Variants in RORA observed in about 807,000 individuals in gnomAD.
RORA encodes the protein nuclear receptor ROR-alpha.
RORA carries 7 observed loss-of-function variants against 69.5 expected under a neutral mutation model. That is an observed-to-expected ratio of 0.10 (90% CI 0.06 to 0.19). The LOEUF (loss-of-function observed/expected upper bound fraction) is 0.19. Ranked by LOEUF, RORA falls within the 10% of genes least tolerant of loss-of-function variation. The probability of loss-of-function intolerance (pLI) is 1.00; values close to 1 mark genes in which losing one functional copy is unlikely to be tolerated. For synonymous variants in RORA, 261 were observed against 240.8 expected, an observed-to-expected ratio of 1.08 and a Z score of -0.78; for missense variants, 457 against 663.0, an observed-to-expected ratio of 0.69 and a Z score of 3.41.
intron 1 of RORA, among the ~76,000 whole-genome samples, chr15:60,881,206 C>T (rs552823553): frequency 6.6e-6 from 1 of 152,346 alleles, no homozygotes; most frequent in Admixed American, 6.5e-5. Flanking sequence ...TTCCCACTGC[C>T]ACACCACACC....
intron 1 of RORA, among the ~76,000 whole-genome samples, chr15:60,725,004 T>C (rs527432815): frequency 5.1e-4 from 78 of 152,354 alleles, no homozygotes; most frequent in Non-Finnish European, 7.6e-4. Flanking sequence ...TAAACAACTA[T>C]TAATCTGTGA....
intron 1 of RORA, among the ~76,000 whole-genome samples, chr15:61,010,094 C>T (rs1365500196): frequency 6.6e-6 from 1 of 152,170 alleles, no homozygotes; most frequent in Non-Finnish European, 1.5e-5. Flanking sequence ...AACAAGCTTA[C>T]CACATATGCT....
At chr15:61,021,217 A>T (rs1424393145) in intron 1 of RORA, among the ~76,000 whole-genome samples, 2 of 152,196 alleles carry the variant, frequency 1.3e-5, no homozygotes, top group Non-Finnish European at 2.9e-5. Flanking sequence ...AATGGGTCAC[A>T]TGGCTACAGG....
chr15:60,548,608 T>A (rs1490474807), intron 2 of RORA, among the ~76,000 whole-genome samples: 1 of 152,202 alleles, frequency 6.6e-6, no homozygotes, highest in African/African-American at 2.4e-5. Context: ...GTATAACTAC[T>A]ACACTTCACG....
chr15:60,736,419 A>G (rs1435930550), intron 1 of RORA, among the ~76,000 whole-genome samples: 2 of 152,236 alleles, frequency 1.3e-5, no homozygotes, highest in Non-Finnish European at 2.9e-5. Flanking sequence ...TATTTGAGAA[A>G]GGACTCCTGC....
chr15:60,880,130 T>C (rs2073662590), intron 1 of RORA, among the ~76,000 whole-genome samples: 1 of 152,182 alleles, frequency 6.6e-6, no homozygotes. Flanking sequence ...TTCTGACCAA[T>C]CACATCTCAC....
intron 1 of RORA, among the ~76,000 whole-genome samples, chr15:60,949,069 A>G (rs76958547): frequency 0.026 from 3,959 of 152,278 alleles, 160 homozygotes; most frequent in African/African-American, 0.091. Flanking sequence ...GTGATGAGAT[A>G]CAGCACAGTA....
At chr15:60,868,511 A>C (rs1285075477) in intron 1 of RORA, among the ~76,000 whole-genome samples, 1 of 152,162 alleles carries the variant, frequency 6.6e-6, no homozygotes, top group Non-Finnish European at 1.5e-5. Flanking sequence ...TTGGGCTAGC[A>C]AGCCCTCAGT....
chr15:60,520,181 C>G (rs921399266), intron 3 of RORA: 1 of 152,060 alleles, frequency 6.6e-6, no homozygotes, highest in African/African-American at 2.4e-5. Context: ...ACCAGAAAGG[C>G]GATCTTTCTT....
chr15:61,042,268 G>A (rs1340340208), intron 1 of RORA, among the ~76,000 whole-genome samples: 4 of 152,078 alleles, frequency 2.6e-5, no homozygotes, highest in Non-Finnish European at 4.4e-5. Flanking sequence ...ATAATTTATT[G>A]TCCAAACCAT....
intron 1 of RORA, among the ~76,000 whole-genome samples, chr15:61,078,329 C>CTGTGTGTGTGTGTGTGTGTG (rs56676588): frequency 6.0e-5 from 8 of 133,254 alleles, no homozygotes; most frequent in South Asian, 5.6e-4. Context: ...ACACCTGGCT[C>CTGTGTGTGTGTGTGTGTGTG]TGTGTGTGTG....
chr15:60,835,480 T>TC (rs918315630), intron 1 of RORA, among the ~76,000 whole-genome samples: 6 of 152,182 alleles, frequency 3.9e-5, no homozygotes, highest in Non-Finnish European at 7.3e-5. Context: ...TGATTGGCCT[T>TC]CCAGAGCCAG....
chr15:60,604,949 C>A (rs1324804991), intron 2 of RORA, among the ~76,000 whole-genome samples: 2 of 152,134 alleles, frequency 1.3e-5, no homozygotes, highest in African/African-American at 4.8e-5. Flanking sequence ...GGTTTATGAC[C>A]TACCACTAGA....
At chr15:61,104,571 G>T (rs1489597450) in intron 1 of RORA, among the ~76,000 whole-genome samples, 1 of 152,140 alleles carries the variant, frequency 6.6e-6, no homozygotes, top group Non-Finnish European at 1.5e-5. Flanking sequence ...TCTGTCAATT[G>T]TCTATAAGGT....
intron 1 of RORA, among the ~76,000 whole-genome samples, chr15:61,224,887 G>T (rs965044640): frequency 2.6e-5 from 4 of 152,152 alleles, no homozygotes; most frequent in Non-Finnish European, 5.9e-5. Flanking sequence ...GGGTCTCATC[G>T]TTAGGGGCTT....
intron 1 of RORA, among the ~76,000 whole-genome samples, chr15:60,730,580 T>A (rs897876943): frequency 6.6e-6 from 1 of 152,236 alleles, no homozygotes; most frequent in Non-Finnish European, 1.5e-5. Context: ...CTTTTAAATA[T>A]AACATTTTCT....
chr15:61,207,645 G>C (rs1020270056), intron 1 of RORA, among the ~76,000 whole-genome samples: 1 of 152,126 alleles, frequency 6.6e-6, no homozygotes, highest in Non-Finnish European at 1.5e-5. Flanking sequence ...TCGTGATTCC[G>C]AGCTGAAAAG....
intron 1 of RORA, among the ~76,000 whole-genome samples, chr15:61,163,451 T>C (rs2079514048): frequency 6.6e-6 from 1 of 152,132 alleles, no homozygotes; most frequent in Admixed American, 6.5e-5. Context: ...GCAGGACATG[T>C]ATAAGGTTCT....
At chr15:60,942,182 C>CCCTTA (rs1892719683) in intron 1 of RORA, among the ~76,000 whole-genome samples, 1 of 152,044 alleles carries the variant, frequency 6.6e-6, no homozygotes, top group African/African-American at 2.4e-5. Context: ...ATCTATGGAG[C>CCCTTA]CCTTACATAA....
Sources: allele counts gnomAD v4.1 joint callset (sites outside exome capture counted in the v4.1 genomes callset), GRCh38; gene constraint gnomAD v4.1.1; transcripts MANE v1.5; gene names NCBI Gene and HGNC (gene_info 2026-07-23, HGNC 2026-07-21).